CAMSAP2: variants seen among roughly 807,000 people sequenced by gnomAD.
CAMSAP2 encodes calmodulin-regulated spectrin-associated protein 2.
A neutral mutation model predicts 146.1 loss-of-function variants in CAMSAP2; 26 were observed. The ratio of observed to expected loss-of-function variants is 0.18; its 90% CI spans 0.13 to 0.25. CAMSAP2 has a LOEUF of 0.25. Ranked by LOEUF, CAMSAP2 falls within the 10% of genes least tolerant of loss-of-function variation. CAMSAP2 has a pLI of 1.00. For missense variants in CAMSAP2, 1,381 were observed against 1,759.3 expected (o/e 0.78, Z 3.85); for synonymous variants, 499 against 596.6 (o/e 0.84, Z 2.38).
intron 2 of CAMSAP2, among the ~76,000 whole-genome samples, chr1:200,765,262 T>C (rs1571729869): frequency 6.6e-6 from 1 of 152,190 alleles, no homozygotes; most frequent in Non-Finnish European, 1.5e-5. Context: ...TGAATTTTGC[T>C]CTTGTCACCC....
rs897766182 is a variant in CAMSAP2, at chr1:200,782,741, G to A, written c.399+21643G>A. On this transcript the variant is annotated intron_variant, in intron 2 of 16. Coordinates refer to ENST00000358823, the MANE Select transcript of CAMSAP2 (RefSeq NM_203459.4). ...CCAGTTTTGATGTGTTAGAAATAAC[G>A]CAGCTATGATTTGTATTTAGACATG... is the stretch of plus-strand genomic sequence containing the variant. 1.6e-4 allele frequency among the ~76,000 whole-genome samples: 24 copies of A among 149,252 alleles called. 1 individual carries two copies. Among genetic ancestry groups the A allele is most frequent in the Middle Eastern group, 7.0e-3 (2 of 286 alleles).
chr1:200,765,558 C>T (rs879906417), intron 2 of CAMSAP2, among the ~76,000 whole-genome samples: 1 of 151,962 alleles, frequency 6.6e-6, no homozygotes, highest in Admixed American at 6.6e-5. Context: ...TCCAGCTGAC[C>T]ACTGACATCT....
chr1:200,744,165 G>T (rs1469942992), intron 1 of CAMSAP2, among the ~76,000 whole-genome samples: 1 of 152,142 alleles, frequency 6.6e-6, no homozygotes, highest in Non-Finnish European at 1.5e-5. Flanking sequence ...GCTGGGATCT[G>T]AACCCAGGGA....
At chr1:200,844,241 A>T (rs1389039750) in intron 7 of CAMSAP2, among the ~76,000 whole-genome samples, 1 of 151,992 alleles carries the variant, frequency 6.6e-6, no homozygotes, top group African/African-American at 2.4e-5. Flanking sequence ...CCTTAATCAG[A>T]TGAATTTTTT....
At chr1:200,830,807 C>T (rs890344392) in intron 4 of CAMSAP2, among the ~76,000 whole-genome samples, 10 of 152,136 alleles carry the variant, frequency 6.6e-5, no homozygotes, top group Non-Finnish European at 1.5e-5. Context: ...CTCTTAAATA[C>T]GGAGTCTATT....
chr1:200,809,871 G>T (rs1421874740), intron 3 of CAMSAP2, among the ~76,000 whole-genome samples: 4 of 152,198 alleles, frequency 2.6e-5, no homozygotes, highest in Non-Finnish European at 5.9e-5. Context: ...GCTAAGTGGG[G>T]ACTCTGCAGA....
rs1468847067 is a variant in CAMSAP2, at chr1:200,739,609, C to G, written c.-219C>G. On this transcript the variant is annotated 5_prime_UTR_variant, in exon 1 of 17. Transcript: ENST00000358823. The surrounding 1 kb of genome is among the most constrained non-coding windows in gnomAD (Gnocchi z 4.8). ...GGACGGAGACGGCGCCGCCACATTC[C>G]TATGCCCGGGAGCGGCGGCGGCGGC... 3.5e-6 allele frequency: 1 copy of G among 287,952 alleles called. No homozygotes were observed. Among genetic ancestry groups the G allele is most frequent in the Non-Finnish European group, 6.1e-6 (1 of 164,678 alleles). The allele number at this position is 287,952 out of a possible 1,614,324, so 17.8% of individuals were successfully genotyped here.
chr1:200,832,863 T>C lies in CAMSAP2; in HGVS notation c.927+18T>C. 6.5e-7 allele frequency: 1 copy of C among 1,545,954 alleles called. No individual in the cohort carries two copies. The highest frequency in any genetic ancestry group is 8.7e-7 in the Non-Finnish European group (1 of 1,148,792). ...CCATAAAGGTAAATTAAATTATTCT[T>C]TTTTTCCCTTTGCTTTGTTAAAATA... On this transcript the variant is annotated intron_variant, in intron 6 of 16. Transcript: ENST00000358823. The surrounding 1 kb of genome is among the most constrained non-coding windows in gnomAD (Gnocchi z 4.2).
At chr1:200,846,746 G>C (rs530541204) in intron 8 of CAMSAP2, among the ~76,000 whole-genome samples, 1 of 152,272 alleles carries the variant, frequency 6.6e-6, no homozygotes, top group African/African-American at 2.4e-5. Context: ...GACAGACAAA[G>C]CAAAAGATGT....
chr1:200,812,825 C>G (rs1213293139), intron 3 of CAMSAP2, among the ~76,000 whole-genome samples: 1 of 152,210 alleles, frequency 6.6e-6, no homozygotes, highest in Admixed American at 6.5e-5. Flanking sequence ...GGCTCTACCT[C>G]TGTTTCCTAT....
chr1:200,836,685 T>C (rs1183971645), intron 6 of CAMSAP2, among the ~76,000 whole-genome samples: 1 of 152,228 alleles, frequency 6.6e-6, no homozygotes, highest in Non-Finnish European at 1.5e-5. Context: ...CCACATTGGT[T>C]GAACTAGTTT....
chr1:200,830,071 A>G (rs1198822565), intron 4 of CAMSAP2, among the ~76,000 whole-genome samples: 1 of 152,266 alleles, frequency 6.6e-6, no homozygotes, highest in Non-Finnish European at 1.5e-5. Flanking sequence ...AAGAAAGGGC[A>G]TGTTTCCATG....
At chr1:200,842,998 A>C (rs1667365427) in intron 7 of CAMSAP2, among the ~76,000 whole-genome samples, 4 of 152,036 alleles carry the variant, frequency 2.6e-5, no homozygotes, top group Non-Finnish European at 4.4e-5. Context: ...AAAAAAAAAA[A>C]AACTAGAGGT....
chr1:200,806,213 T>G (rs534284816), intron 2 of CAMSAP2, among the ~76,000 whole-genome samples: 59 of 152,300 alleles, frequency 3.9e-4, no homozygotes, highest in African/African-American at 1.2e-3. Context: ...GGTTAAAAAG[T>G]ACTTAATATA....
At chr1:200,751,535 CA>C (rs35294926) in intron 1 of CAMSAP2, among the ~76,000 whole-genome samples, 7,731 of 41,298 alleles carry the variant, frequency 0.19, 81 homozygotes, top group East Asian at 0.33. Context: ...GACTCCATCT[CA>C]AAAAAAAAAA....
chr1:200,838,631 A>C, intron 6 of CAMSAP2, among the ~76,000 whole-genome samples: 1 of 152,160 alleles, frequency 6.6e-6, no homozygotes, highest in East Asian at 1.9e-4. Flanking sequence ...GGAAACTTGG[A>C]GAATGTAGTA....
chr1:200,813,236 C>G (rs965206406), intron 3 of CAMSAP2, among the ~76,000 whole-genome samples: 2 of 152,200 alleles, frequency 1.3e-5, no homozygotes, highest in East Asian at 1.9e-4. Context: ...CTTCAACCCC[C>G]TTTATAAAGG....
At chr1:200,796,716 A>T (rs986560146) in intron 2 of CAMSAP2, among the ~76,000 whole-genome samples, 16 of 149,254 alleles carry the variant, frequency 1.1e-4, no homozygotes, top group Middle Eastern at 3.2e-3. Flanking sequence ...ACATGTGCAC[A>T]TTGTGAAGGT....
At chr1:200,756,303 A>G (rs1664647211) in intron 1 of CAMSAP2, among the ~76,000 whole-genome samples, 1 of 151,992 alleles carries the variant, frequency 6.6e-6, no homozygotes, top group Non-Finnish European at 1.5e-5. Flanking sequence ...AAATACAAAA[A>G]TTAGCTGGGT....
Sources: gnomAD v4.1 joint callset for allele counts (sites outside exome capture counted in the v4.1 genomes callset) on GRCh38, gnomAD v4.1.1 for gene constraint, Gnocchi (gnomAD v3.1) non-coding constraint, MANE v1.5 for transcripts, NCBI Gene and HGNC (gene_info 2026-07-23, HGNC 2026-07-21) for gene names.